Variants in ADAMTSL1 observed in about 807,000 individuals in gnomAD.
ADAMTSL1 encodes the protein ADAMTS like 1.
In ADAMTSL1, 126 loss-of-function variants were observed where a neutral mutation model predicts 201.8. That is an observed-to-expected ratio of 0.62 (90% CI 0.54 to 0.72). The LOEUF (loss-of-function observed/expected upper bound fraction) is 0.72. Among genes scored for constraint, ADAMTSL1 ranks in the 30% least tolerant of loss-of-function variants. The probability of loss-of-function intolerance (pLI) is 0.00; values close to 1 mark genes in which losing one functional copy is unlikely to be tolerated. For missense variants in ADAMTSL1, 2,679 were observed against 2,277.8 expected (o/e 1.18, Z -3.59); for synonymous variants, 1,121 against 903.4 (o/e 1.24, Z -4.32).
rs60807301 is a variant in ADAMTSL1 at position 18,560,638 on chromosome 9, GT to G, written c.238-13382del. Among the ~76,000 whole-genome samples, 636 of 146,730 alleles carry G rather than the reference GT, an allele frequency of 4.3e-3. 2 individuals carry two copies. Among genetic ancestry groups the G allele is most frequent in the African/African-American group, 0.015 (603 of 40,218 alleles). The stretch of plus-strand genomic sequence containing the variant: ...GAATTCGGCTGTGGTCTGGTCCTGG[GT>G]TTTTTTTTTGGTTGGTAGGCTATTA... On this transcript the variant is annotated intron_variant, in intron 3 of 28. Coordinates refer to ENST00000380548, the MANE Select transcript of ADAMTSL1 (RefSeq NM_001040272.6).
chr9:18,699,514 G>A (rs887109638), intron 13 of ADAMTSL1, among the ~76,000 whole-genome samples: 1 of 151,940 alleles, frequency 6.6e-6, no homozygotes, highest in Non-Finnish European at 1.5e-5. Context: ...ATTATTGGTA[G>A]ACATGGGGTC....
intron 1 of ADAMTSL1, among the ~76,000 whole-genome samples, chr9:18,106,953 T>A (rs892405064): frequency 1.3e-5 from 2 of 152,210 alleles, no homozygotes; most frequent in Admixed American, 1.3e-4. Context: ...AATTCCCACA[T>A]TGAAACTTAC....
chr9:18,219,561 G>C (rs890724672), intron 2 of ADAMTSL1, among the ~76,000 whole-genome samples: 1 of 151,908 alleles, frequency 6.6e-6, no homozygotes, highest in African/African-American at 2.4e-5. Context: ...TAGAGACAGG[G>C]TTTCACCACA....
At chr9:18,217,413 C>T (rs922728963) in intron 2 of ADAMTSL1, among the ~76,000 whole-genome samples, 1 of 152,044 alleles carries the variant, frequency 6.6e-6, no homozygotes, top group Non-Finnish European at 1.5e-5. Flanking sequence ...GTAGCATTAC[C>T]CCTCCCCAGC....
chr9:18,531,111 A>G (rs1819416864), intron 2 of ADAMTSL1, among the ~76,000 whole-genome samples: 1 of 152,186 alleles, frequency 6.6e-6, no homozygotes, highest in Non-Finnish European at 1.5e-5. Flanking sequence ...TACTCACAAT[A>G]ACTCAGCCCA....
At chr9:18,327,891 C>T (rs1234489526) in intron 2 of ADAMTSL1, among the ~76,000 whole-genome samples, 1 of 152,160 alleles carries the variant, frequency 6.6e-6, no homozygotes, top group Non-Finnish European at 1.5e-5. Flanking sequence ...TGATATTTAG[C>T]TGTGTAGATT....
At chr9:18,434,334 C>T (rs867927950) in intron 2 of ADAMTSL1, among the ~76,000 whole-genome samples, 5 of 152,230 alleles carry the variant, frequency 3.3e-5, no homozygotes, top group Middle Eastern at 3.4e-3. Flanking sequence ...CACCATGCAT[C>T]CCTTCTGTCT....
At chr9:18,516,344 G>C (rs1031933442) in intron 2 of ADAMTSL1, among the ~76,000 whole-genome samples, 4 of 152,136 alleles carry the variant, frequency 2.6e-5, no homozygotes, top group African/African-American at 9.7e-5. Context: ...TTCACCTGGA[G>C]GCAGGAAGAA....
At chr9:18,169,024 AG>A (rs1248755475) in intron 2 of ADAMTSL1, among the ~76,000 whole-genome samples, 2 of 143,626 alleles carry the variant, frequency 1.4e-5, no homozygotes, top group Non-Finnish European at 3.1e-5. Flanking sequence ...TCTGGATATT[AG>A]CCCTTTGTCA....
intron 2 of ADAMTSL1, among the ~76,000 whole-genome samples, chr9:18,281,200 T>C (rs2132628882): frequency 6.6e-6 from 1 of 152,224 alleles, no homozygotes; most frequent in South Asian, 2.1e-4. Flanking sequence ...AATAAGCAAA[T>C]GCTATAATAA....
chr9:17,933,362 A>G (rs1826874699), intron 1 of ADAMTSL1, among the ~76,000 whole-genome samples: 1 of 152,136 alleles, frequency 6.6e-6, no homozygotes, highest in African/African-American at 2.4e-5. Flanking sequence ...GGATAATCCA[A>G]GATAATCTCC....
intron 7 of ADAMTSL1, among the ~76,000 whole-genome samples, chr9:18,648,691 T>G (rs546005972): frequency 6.6e-6 from 1 of 151,980 alleles, no homozygotes; most frequent in Admixed American, 6.6e-5. Context: ...AAAATTCTTT[T>G]CTTTAAGAAT....
At chr9:18,315,166 G>T (rs1291425122) in intron 2 of ADAMTSL1, among the ~76,000 whole-genome samples, 1 of 152,104 alleles carries the variant, frequency 6.6e-6, no homozygotes, top group African/African-American at 2.4e-5. Context: ...TGGTGCATTT[G>T]CAAACCTTGA....
chr9:18,156,262 C>T (rs928331966), intron 1 of ADAMTSL1, among the ~76,000 whole-genome samples: 2 of 151,970 alleles, frequency 1.3e-5, no homozygotes, highest in African/African-American at 4.8e-5. Context: ...TCCTCTGTGG[C>T]AGGAGATCTG....
intron 1 of ADAMTSL1, among the ~76,000 whole-genome samples, chr9:18,023,140 C>CTA (rs147130418): frequency 0.43 from 64,942 of 150,468 alleles, 14,437 homozygotes; most frequent in South Asian, 0.53. Flanking sequence ...GAATTATTTA[C>CTA]TATATATATG....
At chr9:18,376,459 A>G (rs939869183) in intron 2 of ADAMTSL1, among the ~76,000 whole-genome samples, 18 of 152,208 alleles carry the variant, frequency 1.2e-4, no homozygotes, top group African/African-American at 3.9e-4. Flanking sequence ...AAGAAGAAAC[A>G]GAATTGCAAA....
chr9:18,166,982 C>A (rs1229859888), intron 2 of ADAMTSL1, among the ~76,000 whole-genome samples: 2 of 151,936 alleles, frequency 1.3e-5, no homozygotes, highest in African/African-American at 4.8e-5. Flanking sequence ...TCTCAGAGGG[C>A]TAATTTCGTT....
At chr9:18,471,519 C>A (rs1225388920), upstream of ADAMTSL1, among the ~76,000 whole-genome samples, 2 of 152,168 alleles carry the variant, frequency 1.3e-5, no homozygotes, top group Non-Finnish European at 2.9e-5. Context: ...ACATTTTGGC[C>A]ATCATCAAAA....
At chr9:18,348,074 C>T (rs1297122655) in intron 2 of ADAMTSL1, among the ~76,000 whole-genome samples, 1 of 152,156 alleles carries the variant, frequency 6.6e-6, no homozygotes, top group Admixed American at 6.5e-5. Context: ...AAAATAGACC[C>T]GAATTAGTTT....
Sources: gnomAD v4.1 joint callset for allele counts (sites outside exome capture counted in the v4.1 genomes callset) on GRCh38, gnomAD v4.1.1 for gene constraint, MANE v1.5 for transcripts, NCBI Gene and HGNC (gene_info 2026-07-23, HGNC 2026-07-21) for gene names.